NLGN4X: variants seen among roughly 807,000 people sequenced by gnomAD.
NLGN4X encodes the protein neuroligin-4, X-linked.
A neutral mutation model predicts 40.3 loss-of-function variants in NLGN4X; 3 were observed. The ratio of observed to expected loss-of-function variants is 0.07; its 90% CI spans 0.03 to 0.19. The LOEUF is 0.19. Ranked by LOEUF, NLGN4X falls within the 10% of genes least tolerant of loss-of-function variation. The probability of loss-of-function intolerance (pLI) is 1.00; values close to 1 mark genes in which losing one functional copy is unlikely to be tolerated. For synonymous variants in NLGN4X, 270 were observed against 306.8 expected, an observed-to-expected ratio of 0.88 and a Z score of 1.25; for missense variants, 382 against 708.3, an observed-to-expected ratio of 0.54 and a Z score of 5.23.
rs750796188 is a variant in NLGN4X at position 6,122,658 on chromosome X, GA to G, written c.472+28336del. 2.6e-3 allele frequency among the ~76,000 whole-genome samples: 290 copies of G among 110,168 alleles called. 1 individual carries two copies. The highest frequency in any genetic ancestry group is 7.3e-3 in the African/African-American group (221 of 30,381). On this transcript the variant is annotated intron_variant, in intron 2 of 5. Transcript: ENST00000381095. ...CAGTCAAAAAGCAAAGCACTTAAAA[GA>G]AAAGGAACATCCTATTTAAAAAATA...
At chrX:5,994,183 G>A (rs1380101341) in intron 3 of NLGN4X, among the ~76,000 whole-genome samples, 1 of 112,050 alleles carries the variant, frequency 8.9e-6, no homozygotes, top group East Asian at 2.8e-4. Context: ...TGAACTGGAT[G>A]GTTAAGATCC....
intron 1 of NLGN4X, among the ~76,000 whole-genome samples, chrX:6,160,545 T>C (rs767125545): frequency 7.3e-5 from 8 of 109,612 alleles, no homozygotes; most frequent in Non-Finnish European, 1.3e-4. Flanking sequence ...TTTTTTTTTT[T>C]TTTGAGACAG....
At chrX:6,146,706 AAAC>A (rs1169659390) in intron 2 of NLGN4X, among the ~76,000 whole-genome samples, 2 of 109,931 alleles carry the variant, frequency 1.8e-5, no homozygotes, top group Non-Finnish European at 3.8e-5. Flanking sequence ...CAAAAAAAAA[AAAC>A]AACCCAAAAT....
intron 3 of NLGN4X, among the ~76,000 whole-genome samples, chrX:6,003,524 G>A (rs1450173599): frequency 2.7e-5 from 3 of 111,650 alleles, no homozygotes; most frequent in Admixed American, 9.5e-5. Context: ...TAAAACAAAC[G>A]AAAATTTGTT....
chrX:5,991,472 G>A (rs1030063457), intron 3 of NLGN4X: 1 of 518,898 alleles, frequency 1.9e-6, no homozygotes, highest in African/African-American at 2.3e-5. Flanking sequence ...GGTGCCTGCA[G>A]GTGCAGCTGA....
intron 3 of NLGN4X, among the ~76,000 whole-genome samples, chrX:5,909,907 T>G (rs922945641): frequency 1.8e-5 from 2 of 111,037 alleles, no homozygotes; most frequent in African/African-American, 6.6e-5. Flanking sequence ...ACCCAAAAGC[T>G]AATGAATATT....
In NLGN4X at chrX:6,151,538, G is replaced by T; in HGVS notation, c.-72C>A. 1 of 932,656 alleles carries T rather than the reference G, an allele frequency of 1.1e-6. No homozygotes were observed. Among genetic ancestry groups the T allele is most frequent in the Non-Finnish European group, 1.5e-6 (1 of 648,462 alleles). The allele number at this position is 932,656 out of a possible 1,213,427, so 76.9% of individuals were successfully genotyped here. On this transcript the variant is annotated 5_prime_UTR_variant, in exon 2 of 6. Coordinates refer to ENST00000381095, the MANE Select transcript of NLGN4X (RefSeq NM_181332.3). ...CCAAGGAGACAAAGCCCAGAGGCGA[G>T]CCTGCAGAGAGATAGGGCTTTCCAG...
At chrX:5,948,370 GA>G (rs1255992924) in intron 3 of NLGN4X, among the ~76,000 whole-genome samples, 1 of 112,059 alleles carries the variant, frequency 8.9e-6, no homozygotes, top group Non-Finnish European at 1.9e-5. Flanking sequence ...CTATCCAATG[GA>G]AATTATACTA....
At chrX:6,117,683 T>C (rs1287918662) in intron 2 of NLGN4X, among the ~76,000 whole-genome samples, 4 of 112,449 alleles carry the variant, frequency 3.6e-5, no homozygotes, top group South Asian at 3.7e-4. Flanking sequence ...TTAGCACAGC[T>C]GATCCTTTTT....
intron 3 of NLGN4X, among the ~76,000 whole-genome samples, chrX:6,014,080 G>C (rs2036325547): frequency 9.2e-6 from 1 of 108,992 alleles, no homozygotes; most frequent in Non-Finnish European, 1.9e-5. Flanking sequence ...TACTCGGGAG[G>C]CTGAGGCAAG....
rs4017999 is a variant in NLGN4X at position 5,893,139 on chromosome X, C to T, written c.2129G>A (p.Arg710His). 7 of 1,211,371 alleles carry T rather than the reference C, an allele frequency of 5.8e-6. No homozygotes were observed. Among genetic ancestry groups the T allele is most frequent in the South Asian group, 1.8e-5 (1 of 56,915 alleles). Residue 710 changes from arginine (R) to histidine (H), a missense_variant, in exon 6 of 6, where the codon CGC (arginine) becomes CAC (histidine). Physicochemically the swap from Arg to His is conservative, Grantham distance 29. This residue lies in a region of NLGN4X where 149 missense variants were observed against 375.8 expected (regional missense o/e 0.40). Transcript: ENST00000381095. The stretch of plus-strand genomic sequence containing the variant: ...TGTGGTGTTTCTCTGGGGACTGGGG[C>T]GCCTGTGAGTCTCATGGCGCCTCTT... ...KDKRRHETHR[R>H]PSPQRNTTND...
chrX:5,944,239 G>T (rs1470118491), intron 3 of NLGN4X, among the ~76,000 whole-genome samples: 1 of 111,489 alleles, frequency 9.0e-6, no homozygotes, highest in African/African-American at 3.3e-5. Context: ...TAAGAAACTT[G>T]CATATCTTCC....
chrX:6,220,405 G>A (rs894865349), intron 1 of NLGN4X, among the ~76,000 whole-genome samples: 1 of 84,414 alleles, frequency 1.2e-5, no homozygotes, highest in Non-Finnish European at 2.4e-5. Context: ...AAAGGGTTAT[G>A]AGTTTAGCGT....
intron 4 of NLGN4X, among the ~76,000 whole-genome samples, chrX:5,906,051 C>G (rs902870553): frequency 1.8e-5 from 2 of 111,915 alleles, no homozygotes; most frequent in South Asian, 7.5e-4. Flanking sequence ...TAATTTCCAA[C>G]CTATTGACTT....
chrX:6,037,535 A>G (rs1213793895), intron 2 of NLGN4X, among the ~76,000 whole-genome samples: 3 of 111,090 alleles, frequency 2.7e-5, no homozygotes, highest in African/African-American at 9.8e-5. Context: ...ATCTTATCTA[A>G]GCAAGAATAT....
chrX:5,901,170 A>G (rs2031840743), intron 5 of NLGN4X, among the ~76,000 whole-genome samples: 1 of 111,235 alleles, frequency 9.0e-6, no homozygotes, highest in Non-Finnish European at 1.9e-5. Context: ...AACATTCTCA[A>G]ACCACTCCCT....
chrX:5,900,519 C>G (rs1359286516), intron 5 of NLGN4X, among the ~76,000 whole-genome samples: 1 of 105,663 alleles, frequency 9.5e-6, no homozygotes, highest in Non-Finnish European at 1.9e-5. Context: ...AAAGCGTGAA[C>G]CGATACATTT....
chrX:5,926,932 T>TC (rs2033347894), intron 3 of NLGN4X, among the ~76,000 whole-genome samples: 1 of 73,368 alleles, frequency 1.4e-5, no homozygotes, highest in South Asian at 7.9e-4. Flanking sequence ...TATCTCTATA[T>TC]CTTCTATCTA....
chrX:5,898,669 G>C (rs2031663894), intron 5 of NLGN4X, among the ~76,000 whole-genome samples: 1 of 111,482 alleles, frequency 9.0e-6, no homozygotes, highest in Non-Finnish European at 1.9e-5. Context: ...GCACCGTGTA[G>C]TGACAGACAC....
Sources: allele counts gnomAD v4.1 joint callset (sites outside exome capture counted in the v4.1 genomes callset), GRCh38; gene constraint gnomAD v4.1.1; regional missense constraint gnomAD v4.1.1; transcripts MANE v1.5; gene names NCBI Gene and HGNC (gene_info 2026-07-23, HGNC 2026-07-21).